Variants in PCLO observed in about 807,000 individuals in gnomAD.
The protein encoded by PCLO is piccolo presynaptic cytomatrix protein, also known as protein piccolo.
PCLO carries 82 observed loss-of-function variants against 427.5 expected under a neutral mutation model. The observed-to-expected ratio is 0.19, with a 90% CI of 0.16 to 0.23. The LOEUF (loss-of-function observed/expected upper bound fraction) is 0.23, where lower values mean the gene tolerates loss of function less well. PCLO is among the 10% of genes least tolerant of loss of function. The pLI is 1.00. For synonymous variants in PCLO, 2,357 were observed against 2,155.4 expected, an observed-to-expected ratio of 1.09 and a Z score of -2.59; for missense variants, 6,239 against 6,115.9, an observed-to-expected ratio of 1.02 and a Z score of -0.67.
At chr7:82,980,334 C>CA (rs1796118744) in intron 3 of PCLO, among the ~76,000 whole-genome samples, 1 of 152,096 alleles carries the variant, frequency 6.6e-6, no homozygotes, top group Non-Finnish European at 1.5e-5. Flanking sequence ...AGTGGTGTCA[C>CA]CGGGAATACA....
chr7:82,815,074 T>A (rs1022699926), intron 20 of PCLO, among the ~76,000 whole-genome samples: 1 of 146,676 alleles, frequency 6.8e-6, no homozygotes, highest in African/African-American at 2.6e-5. Flanking sequence ...TTATTGATAT[T>A]AGCATTCATT....
intron 4 of PCLO, among the ~76,000 whole-genome samples, chr7:82,959,072 T>C (rs1229200554): frequency 5.9e-5 from 9 of 152,058 alleles, no homozygotes; most frequent in Non-Finnish European, 7.4e-5. Context: ...TTTTTCTTCT[T>C]ACTATTTTTT....
chr7:83,027,854 A>C (rs193980), intron 3 of PCLO, among the ~76,000 whole-genome samples: 18,287 of 108,648 alleles, frequency 0.17, 1,269 homozygotes, highest in Middle Eastern at 0.31. Flanking sequence ...AAAGACAAAA[A>C]CCACATGATT....
At chr7:83,097,589 T>C (rs1290588109) in intron 3 of PCLO, among the ~76,000 whole-genome samples, 2 of 147,488 alleles carry the variant, frequency 1.4e-5, no homozygotes, top group Admixed American at 6.9e-5. Flanking sequence ...TGTATTAGGT[T>C]AAAGGGCTTA....
chr7:83,028,176 T>G (rs1457550870), intron 3 of PCLO, among the ~76,000 whole-genome samples: 2 of 152,180 alleles, frequency 1.3e-5, no homozygotes, highest in Admixed American at 1.3e-4. Context: ...TGTCCCTCTT[T>G]GCAGATGACA....
In PCLO at chr7:82,885,642, A is replaced by T. The variant is rs1251878944; in HGVS notation, c.13529-6180T>A. ...ATGTGCAAGACATTTGTGTTATAGT[A>T]GATACAGCAATGATTGAGCAGTGAT... On this transcript the variant is annotated intron_variant, in intron 9 of 24. Transcript: ENST00000333891. 9.9e-5 allele frequency among the ~76,000 whole-genome samples: 15 copies of T among 152,186 alleles called. No individual in the cohort carries two copies. In the East Asian group the frequency reaches 2.9e-3, roughly 29 times the overall value.
intron 3 of PCLO, among the ~76,000 whole-genome samples, chr7:82,984,438 G>GTC (rs1365684405): frequency 6.6e-6 from 1 of 151,160 alleles, no homozygotes; most frequent in African/African-American, 2.4e-5. Context: ...GTGTGTGTGT[G>GTC]TGTGTGTGTG....
In PCLO at chr7:82,951,155, T is replaced by C. The variant is rs1422807865; in HGVS notation, c.9433A>G (p.Ile3145Val). Reference sequence around the variant, plus strand: ...TCCGTTTCAGATGCACCTGTTGTTATAAAATATGATCTAGGCATTGGCTGG... The same window carrying C: ...TCCGTTTCAGATGCACCTGTTGTTACAAAATATGATCTAGGCATTGGCTGG... ...HSQPMPRSYF[I>V]TTGASETDIA... The change falls in exon 6 of 25, where the codon ATA (isoleucine) becomes GTA (valine). Residue 3145 changes from isoleucine to valine, a missense_variant. Transcript: ENST00000333891. 1.9e-6 allele frequency: 3 copies of C among 1,613,760 alleles called. No individual in the cohort carries two copies. The highest frequency in any genetic ancestry group is 2.5e-6 in the Non-Finnish European group (3 of 1,179,762).
intron 21 of PCLO, among the ~76,000 whole-genome samples, chr7:82,804,927 A>C (rs533627561): frequency 6.6e-6 from 1 of 152,286 alleles, no homozygotes; most frequent in Non-Finnish European, 1.5e-5. Context: ...CAAAATCCAG[A>C]AGACTAGTTA....
At position 83,135,337 on chromosome 7, in the gene PCLO, G is replaced by A. The variant is rs771360219; in HGVS notation, c.2213C>T (p.Pro738Leu). The change falls in exon 3 of 25, where the codon CCT becomes CTT. Residue 738 changes from proline to leucine, a missense_variant. Pro to Leu is a moderately conservative substitution (Grantham distance 98). This residue lies in a region of PCLO where 4,677 missense variants were observed against 4,468.4 expected (regional missense o/e 1.05). Transcript: ENST00000333891. ...CTTGTCCTGCTCAGATGGGACAGAA[G>A]GTTCTTTGGGAGGGGCTGGCTTGGA... Reference protein sequence around the residue: ...SLSKPAPPKEPSVPSEQDKAP... With the variant: ...SLSKPAPPKELSVPSEQDKAP... 5.6e-6 allele frequency: 9 copies of A among 1,613,984 alleles called. No individual in the cohort carries two copies. The highest frequency in any genetic ancestry group is 2.2e-5 in the East Asian group (1 of 44,870).
intron 3 of PCLO, among the ~76,000 whole-genome samples, chr7:82,986,558 A>T (rs918401144): frequency 6.6e-6 from 1 of 151,798 alleles, no homozygotes; most frequent in African/African-American, 2.4e-5. Context: ...CCTGTTTTTC[A>T]CTTTGTATTA....
intron 9 of PCLO, among the ~76,000 whole-genome samples, chr7:82,884,321 G>A (rs914129649): frequency 6.6e-6 from 1 of 152,078 alleles, no homozygotes; most frequent in East Asian, 1.9e-4. Context: ...TAAGGAAGAC[G>A]AGTAAAAAAA....
chr7:83,085,554 T>C (rs1431503559), intron 3 of PCLO, among the ~76,000 whole-genome samples: 1 of 152,126 alleles, frequency 6.6e-6, no homozygotes, highest in African/African-American at 2.4e-5. Flanking sequence ...TTTCCATGAT[T>C]TTGTGTTCGT....
intron 3 of PCLO, among the ~76,000 whole-genome samples, chr7:83,052,427 T>C (rs540253986): frequency 7.9e-5 from 12 of 152,156 alleles, no homozygotes; most frequent in African/African-American, 2.6e-4. Context: ...TCCAAGCTGT[T>C]TGAGCTCAGG....
intron 16 of PCLO, among the ~76,000 whole-genome samples, chr7:82,832,139 T>C (rs1338179844): frequency 6.6e-6 from 1 of 152,160 alleles, no homozygotes; most frequent in Non-Finnish European, 1.5e-5. Context: ...TATCTAATAA[T>C]TAAAGAAGTT....
rs536980123 is a variant in PCLO, at chr7:82,988,759, T to G, written c.3301-22272A>C. On this transcript the variant is annotated intron_variant, in intron 3 of 24. Coordinates refer to ENST00000333891, the MANE Select transcript of PCLO (RefSeq NM_033026.6). ...AATCTATTTGTAACACTTATTTGAT[T>G]GAGTCAGGGTTTTCTTTTCAGAACA... Among the ~76,000 whole-genome samples the G allele has an allele frequency of 7.2e-5, 11 of 152,194 alleles. No individual in the cohort carries two copies. The South Asian group carries it at 1.9e-3, about 26-fold the overall frequency.
intron 6 of PCLO, among the ~76,000 whole-genome samples, chr7:82,940,924 G>A (rs55919753): frequency 1.1e-3 from 171 of 151,082 alleles, no homozygotes; most frequent in Middle Eastern, 0.01. Context: ...CACCACGCCC[G>A]GCTAATTTTT....
intron 3 of PCLO, among the ~76,000 whole-genome samples, chr7:82,971,533 A>G (rs1795904045): frequency 6.8e-6 from 1 of 147,838 alleles, no homozygotes; most frequent in Admixed American, 6.8e-5. Context: ...GTGTATAGAT[A>G]TAGATCTATC....
chr7:82,788,068 T>C (rs1050201395), intron 22 of PCLO, among the ~76,000 whole-genome samples: 1 of 151,640 alleles, frequency 6.6e-6, no homozygotes, highest in African/African-American at 2.4e-5. Context: ...CACAGAACCA[T>C]AGAATGTGAA....
Sources: allele counts gnomAD v4.1 joint callset (sites outside exome capture counted in the v4.1 genomes callset), GRCh38; gene constraint gnomAD v4.1.1; regional missense constraint gnomAD v4.1.1; transcripts MANE v1.5; gene names NCBI Gene and HGNC (gene_info 2026-07-23, HGNC 2026-07-21).